Variants in ENO2 observed in about 807,000 individuals in gnomAD.
ENO2 encodes the protein enolase 2, also known as gamma-enolase.
Under a neutral mutation model 48.7 loss-of-function variants are expected in ENO2, and 19 were observed. The ratio of observed to expected loss-of-function variants is 0.39; its 90% CI spans 0.27 to 0.57. The LOEUF is 0.57. Ranked by LOEUF, ENO2 falls within the 20% of genes least tolerant of loss-of-function variation. The pLI, the probability that ENO2 is intolerant of heterozygous loss-of-function variation, is 0.58. For missense variants in ENO2, 416 were observed against 555.0 expected (o/e 0.75, Z 2.52); for synonymous variants, 198 against 213.4 (o/e 0.93, Z 0.63).
rs1333995526 is a variant in ENO2, at chr12:6,916,526, T to C, written c.181+14T>C. ...ACTTAGGCAAAGGTGAGGTCCCTTC[T>C]CTTTTCCAGACTCTCCCCCACCTCA... On this transcript the variant is annotated intron_variant, in intron 3 of 11. Coordinates refer to ENST00000229277, the MANE Select transcript of ENO2 (RefSeq NM_001975.3). This position sits in a 1 kb window ranked among gnomAD's most constrained non-coding sequence, Gnocchi z 4.5. 3 of 1,613,776 alleles carry C rather than the reference T, an allele frequency of 1.9e-6. No individual in the cohort carries two copies. The African/African-American group carries it at 4.0e-5, about 22-fold the overall frequency.
intron 8 of ENO2, among the ~76,000 whole-genome samples, chr12:6,920,600 A>G (rs1199786301): frequency 6.7e-6 from 1 of 150,148 alleles, no homozygotes; most frequent in African/African-American, 2.5e-5. Context: ...GGGTTTCTCC[A>G]TGTTGGTCAG....
chr12:6,922,193 G>T lies in ENO2; in HGVS notation c.1176+29G>T, dbSNP rs376310491. ...AGTGAGGCAGCCTGGTGAGTGAAGA[G>T]AACTCTCTGTGGGATTGGTATTTCT... is the stretch of plus-strand genomic sequence containing the variant. On this transcript the variant is annotated intron_variant, in intron 10 of 11. Transcript: ENST00000229277. The surrounding 1 kb of genome is among the most constrained non-coding windows in gnomAD (Gnocchi z 5.3). The T allele has an allele frequency of 4.9e-5, 79 of 1,610,306 alleles. No homozygotes were observed. The highest frequency in any genetic ancestry group is 6.5e-5 in the Non-Finnish European group (77 of 1,177,376).
chr12:6,922,891 C>T lies in ENO2; in HGVS notation c.*91C>T, dbSNP rs1232678036. The stretch of plus-strand genomic sequence containing the variant: ...TGTGATAGTTCACCCCCTGAGATCC[C>T]CTGAGCCCCAGGGTGCCCAGAACTT... On this transcript the variant is annotated 3_prime_UTR_variant, in exon 12 of 12. Coordinates refer to ENST00000229277, the MANE Select transcript of ENO2 (RefSeq NM_001975.3). This position sits in a 1 kb window ranked among gnomAD's most constrained non-coding sequence, Gnocchi z 5.3. 6.8e-7 allele frequency: 1 copy of T among 1,474,012 alleles called. No homozygotes were observed. Among genetic ancestry groups the T allele is most frequent in the Non-Finnish European group, 9.4e-7 (1 of 1,060,788 alleles). The allele number at this position is 1,474,012 out of a possible 1,614,324, so 91.3% of individuals were successfully genotyped here.
Position 6,914,699 on chromosome 12 carries a change from C to G in ENO2, c.-13+40C>G, listed in dbSNP as rs1945269869. The G allele has an allele frequency of 6.4e-6, 1 of 155,138 alleles. No individual in the cohort carries two copies. The highest frequency in any genetic ancestry group is 1.7e-4 in the South Asian group (1 of 5,942). 9.6% of individuals were successfully genotyped at this position (155,138 alleles called of 1,614,324 possible). On this transcript the variant is annotated intron_variant, in intron 1 of 11. Coordinates refer to ENST00000229277, the MANE Select transcript of ENO2 (RefSeq NM_001975.3). The surrounding 1 kb of genome is among the most constrained non-coding windows in gnomAD (Gnocchi z 7.1). ...AGGCCCAGAGCCCCTGTGGCCCCCTCCCTTCGCCGCGGCGCCCCTGCCTCC... is the reference window on the plus strand; with the variant it reads ...AGGCCCAGAGCCCCTGTGGCCCCCTGCCTTCGCCGCGGCGCCCCTGCCTCC...
At chr12:6,918,315 G>T (rs1298416520) in intron 7 of ENO2, among the ~76,000 whole-genome samples, 153 bp downstream of exon 7, 3 of 152,028 alleles carry the variant, frequency 2.0e-5, no homozygotes, top group African/African-American at 4.8e-5. Context: ...GGATTGCAGA[G>T]AGCCTGCCAA....
chr12:6,915,622 T>G (rs1368260047), intron 1 of ENO2, 199 bp from the exon 2 acceptor site: 24 of 545,250 alleles, frequency 4.4e-5, no homozygotes, highest in Middle Eastern at 4.7e-4. Flanking sequence ...CCTCACTGCA[T>G]TGACCTTCTC....
At chr12:6,920,451 G>A (rs1297972061) in intron 8 of ENO2, among the ~76,000 whole-genome samples, 1 of 151,188 alleles carries the variant, frequency 6.6e-6, no homozygotes, top group East Asian at 1.9e-4. Context: ...CCAGGCTGGA[G>A]TGCAATGGCG....
rs1945296292 is a variant in ENO2, at chr12:6,916,865, C to T, written c.240+136C>T. On this transcript the variant is annotated intron_variant, in intron 4 of 11. Coordinates refer to ENST00000229277, the MANE Select transcript of ENO2 (RefSeq NM_001975.3). The surrounding 1 kb of genome is among the most constrained non-coding windows in gnomAD (Gnocchi z 4.5). ...AAGGGGGAAGGGTGGGGAACAGCTTCCTTAATGCACCCTGCTCCCATGGGA... is the reference window on the plus strand; with the variant it reads ...AAGGGGGAAGGGTGGGGAACAGCTTTCTTAATGCACCCTGCTCCCATGGGA... 7.2e-7 allele frequency: 1 copy of T among 1,388,410 alleles called. No individual in the cohort carries two copies. Among genetic ancestry groups the T allele is most frequent in the South Asian group, 1.3e-5 (1 of 79,796 alleles). The allele number at this position is 1,388,410 out of a possible 1,614,324, so 86.0% of individuals were successfully genotyped here.
Position 6,916,473 on chromosome 12 carries a change from G to C in ENO2, c.142G>C (p.Glu48Gln). 1 of 1,614,098 alleles carries C rather than the reference G, an allele frequency of 6.2e-7. No individual in the cohort carries two copies. The change falls in exon 3 of 12, where the codon GAG (glutamate) becomes CAG (glutamine). Residue 48 changes from glutamate (E) to glutamine (Q), a missense_variant. Physicochemically the swap from Glu to Gln is conservative, Grantham distance 29. Coordinates refer to ENST00000229277, the MANE Select transcript of ENO2 (RefSeq NM_001975.3). The surrounding 1 kb of genome is among the most constrained non-coding windows in gnomAD (Gnocchi z 4.5). ...GASTGIYEAL[E>Q]LRDGDKQRYL... is the part of the protein sequence containing the mutation. ...CTCTACGGGCATCTATGAGGCCCTG[G>C]AGCTGAGGGATGGAGACAAACAGCG...
At chr12:6,921,825 T>C in intron 9 of ENO2, 43 bp downstream of exon 9, 2 of 1,606,330 alleles carry the variant, frequency 1.2e-6, no homozygotes, top group Non-Finnish European at 1.7e-6. Flanking sequence ...CTCGTTTCTA[T>C]AAGACTCCTT....
intron 1 of ENO2, 32 bp from the exon 2 acceptor site, chr12:6,915,789 T>A: frequency 4.5e-6 from 7 of 1,546,406 alleles, no homozygotes; most frequent in Non-Finnish European, 6.2e-6. Flanking sequence ...AAGCCTCTTA[T>A]CTTTCTCCTT....
At chr12:6,921,527 A>G in intron 8 of ENO2, 54 bp from the exon 9 acceptor site, 2 of 1,577,196 alleles carry the variant, frequency 1.3e-6, no homozygotes, top group Non-Finnish European at 1.7e-6. Flanking sequence ...TGCCTGATGT[A>G]GAGACCCAGG....
Position 6,915,857 on chromosome 12 carries a change from C to T in ENO2, c.25C>T (p.Arg9Trp). 1 of 1,613,856 alleles carries T rather than the reference C, an allele frequency of 6.2e-7. No individual in the cohort carries two copies. The highest frequency in any genetic ancestry group is 1.3e-5 in the African/African-American group (1 of 74,966). ...CATGTCCATAGAGAAGATCTGGGCCCGGGAGATCCTGGACTCCCGCGGGAA... is the reference window on the plus strand; with the variant it reads ...CATGTCCATAGAGAAGATCTGGGCCTGGGAGATCCTGGACTCCCGCGGGAA... MSIEKIWAREILDSRGNPT... is the reference protein window; with the variant it reads MSIEKIWAWEILDSRGNPT... Residue 9 changes from arginine to tryptophan, a missense_variant, in exon 2 of 12, where the codon CGG (arginine) becomes TGG (tryptophan). Arg to Trp is a moderately radical substitution (Grantham distance 101). Transcript: ENST00000229277.
rs73262844 is a variant in ENO2 at position 6,916,305 on chromosome 12, G to A, written c.86-112G>A. ...GGGGGTGGGGGGATGTTAGGGAGCA[G>A]TGTGGGGAGAGAGCTAGATGTGGTA... On this transcript the variant is annotated intron_variant, in intron 2 of 11. Coordinates refer to ENST00000229277, the MANE Select transcript of ENO2 (RefSeq NM_001975.3). The surrounding 1 kb of genome is among the most constrained non-coding windows in gnomAD (Gnocchi z 4.5). 4,999 of 951,852 alleles carry A rather than the reference G, an allele frequency of 5.3e-3. 182 individuals carry two copies. The African/African-American group carries it at 0.074, about 14-fold the overall frequency. 59.0% of individuals were successfully genotyped at this position (951,852 alleles called of 1,614,324 possible). A position where few individuals can be genotyped will look rare whatever the true frequency, so the allele number is the denominator to read the frequency against.
Position 6,922,486 on chromosome 12 carries a change from C to T in ENO2, c.1235+84C>T. ...CCAGACCATCTGTAGCACCAAGGGC[C>T]TGGATAACAGTCCATTTCCTGGATA... On this transcript the variant is annotated intron_variant, in intron 11 of 11. Transcript: ENST00000229277. This position sits in a 1 kb window ranked among gnomAD's most constrained non-coding sequence, Gnocchi z 5.3. 1.3e-6 allele frequency: 2 copies of T among 1,548,308 alleles called. No homozygotes were observed. The highest frequency in any genetic ancestry group is 1.8e-6 in the Non-Finnish European group (2 of 1,121,540).
At chr12:6,920,717 C>CTTT (rs781865832) in intron 8 of ENO2, among the ~76,000 whole-genome samples, 39 of 95,144 alleles carry the variant, frequency 4.1e-4, no homozygotes, top group South Asian at 6.9e-4. Flanking sequence ...TTTTAATTAA[C>CTTT]TTTTTTTTTT....
chr12:6,917,664 C>G lies in ENO2; in HGVS notation c.394C>G (p.Arg132Gly), dbSNP rs1555141744. 1 of 1,604,784 alleles carries G rather than the reference C, an allele frequency of 6.2e-7. No homozygotes were observed. Reference protein sequence around the residue: ...GAAERELPLYRHIAQLAGNSD... With the variant: ...GAAERELPLYGHIAQLAGNSD... ...AGCTGAGCGGGAACTGCCCCTGTAT[C>G]GCCACATTGCTCAGCTGGCCGGGAA... is the stretch of plus-strand genomic sequence containing the variant. Residue 132 changes from arginine (R) to glycine (G), a missense_variant, in exon 6 of 12, where the codon CGC becomes GGC. By Grantham distance (125) the Arg-to-Gly change is moderately radical. Coordinates refer to ENST00000229277, the MANE Select transcript of ENO2 (RefSeq NM_001975.3).
Position 6,922,182 on chromosome 12 carries a change from G to A in ENO2, c.1176+18G>A. On this transcript the variant is annotated intron_variant, in intron 10 of 11. Coordinates refer to ENST00000229277, the MANE Select transcript of ENO2 (RefSeq NM_001975.3). This position sits in a 1 kb window ranked among gnomAD's most constrained non-coding sequence, Gnocchi z 5.3. ...CAGGCCAGGTGAGTGAGGCAGCCTG[G>A]TGAGTGAAGAGAACTCTCTGTGGGA... The A allele has an allele frequency of 6.2e-7, 1 of 1,612,088 alleles. No homozygotes were observed. The highest frequency in any genetic ancestry group is 8.5e-7 in the Non-Finnish European group (1 of 1,178,626).
In ENO2 at chr12:6,922,919, C is replaced by T; in HGVS notation, c.*119C>T. On this transcript the variant is annotated 3_prime_UTR_variant, in exon 12 of 12. Coordinates refer to ENST00000229277, the MANE Select transcript of ENO2 (RefSeq NM_001975.3). The surrounding 1 kb of genome is among the most constrained non-coding windows in gnomAD (Gnocchi z 5.3). ...GAGCCCCAGGGTGCCCAGAACTTCC[C>T]TGATTGACCTGCTCCGCTGCTCCTT... 1.9e-6 allele frequency: 2 copies of T among 1,033,932 alleles called. No homozygotes were observed. The highest frequency in any genetic ancestry group is 2.9e-6 in the Non-Finnish European group (2 of 678,374). The allele number at this position is 1,033,932 out of a possible 1,614,324, so 64.0% of individuals were successfully genotyped here.
Sources: allele counts gnomAD v4.1 joint callset (sites outside exome capture counted in the v4.1 genomes callset), GRCh38; gene constraint gnomAD v4.1.1; non-coding constraint Gnocchi (gnomAD v3.1); transcripts MANE v1.5; gene names NCBI Gene and HGNC (gene_info 2026-07-23, HGNC 2026-07-21).